Variants in ITPR1 observed in about 807,000 individuals in gnomAD.
ITPR1 encodes inositol 1,4,5-trisphosphate receptor type 1, also known as inositol 1,4,5-trisphosphate-gated calcium channel ITPR1.
Under a neutral mutation model 318.4 loss-of-function variants are expected in ITPR1, and 96 were observed. The ratio of observed to expected loss-of-function variants is 0.30; its 90% CI spans 0.26 to 0.36. The LOEUF (loss-of-function observed/expected upper bound fraction) is 0.36. ITPR1 is among the 10% of genes least tolerant of loss of function. The probability of loss-of-function intolerance (pLI) is 1.00; values close to 1 mark genes in which losing one functional copy is unlikely to be tolerated. For synonymous variants in ITPR1, 1,312 were observed against 1,289.9 expected, an observed-to-expected ratio of 1.02 and a Z score of -0.37; for missense variants, 2,440 against 3,460.2, an observed-to-expected ratio of 0.71 and a Z score of 7.40.
intron 61 of ITPR1, among the ~76,000 whole-genome samples, chr3:4,838,423 C>T (rs970651774): frequency 1.3e-5 from 2 of 151,904 alleles, no homozygotes; most frequent in Non-Finnish European, 2.9e-5. Context: ...GGCACTGCCC[C>T]CCCAACCCCC....
intron 57 of ITPR1, among the ~76,000 whole-genome samples, chr3:4,813,822 C>T (rs978029532): frequency 1.7e-4 from 26 of 152,302 alleles, no homozygotes; most frequent in Non-Finnish European, 2.8e-4. Context: ...GGTTAAACTT[C>T]GTCCAGAGGA....
At chr3:4,786,637 A>G (rs958936799) in intron 51 of ITPR1, among the ~76,000 whole-genome samples, 3 of 152,062 alleles carry the variant, frequency 2.0e-5, no homozygotes, top group Admixed American at 6.6e-5. Flanking sequence ...CGAAATCACT[A>G]CCTCCCAGGA....
intron 44 of ITPR1, among the ~76,000 whole-genome samples, chr3:4,742,200 G>A (rs1326934627): frequency 6.6e-6 from 1 of 152,194 alleles, no homozygotes; most frequent in African/African-American, 2.4e-5. Flanking sequence ...TATTTGTGCT[G>A]GAATTCCAGC....
chr3:4,768,911 C>CTTTTTT (rs201819900), intron 46 of ITPR1, 147 bp downstream of exon 46: 4 of 675,658 alleles, frequency 5.9e-6, no homozygotes, highest in Non-Finnish European at 2.3e-6. Context: ...TTTCTTTTTT[C>CTTTTTT]TTTTTTCTTT....
intron 24 of ITPR1, among the ~76,000 whole-genome samples, chr3:4,678,949 T>C (rs75740198): frequency 0.015 from 2,324 of 152,316 alleles, 55 homozygotes; most frequent in African/African-American, 0.053. Flanking sequence ...GCTTATTCTC[T>C]GTTGAGCCTT....
chr3:4,697,752 A>G (rs546517201), intron 34 of ITPR1, among the ~76,000 whole-genome samples: 32 of 152,152 alleles, frequency 2.1e-4, no homozygotes, highest in Middle Eastern at 6.8e-3. Flanking sequence ...ACACCTGGCC[A>G]TTCTTCCTAC....
At chr3:4,815,280 A>T in intron 59 of ITPR1, 62 bp downstream of exon 59, 2 of 1,543,358 alleles carry the variant, frequency 1.3e-6, no homozygotes, top group Non-Finnish European at 1.8e-6. Context: ...AGGCATGTGG[A>T]TACTGCGAGG....
intron 14 of ITPR1, among the ~76,000 whole-genome samples, chr3:4,661,876 A>G (rs1456780838): frequency 6.6e-6 from 1 of 152,202 alleles, no homozygotes; most frequent in African/African-American, 2.4e-5. Flanking sequence ...TTCCTGCCAC[A>G]CTGGCCCCCA....
chr3:4,732,714 A>G (rs952282288), intron 42 of ITPR1, among the ~76,000 whole-genome samples: 5 of 152,340 alleles, frequency 3.3e-5, no homozygotes, highest in Non-Finnish European at 4.4e-5. Context: ...TGGTTGAAAT[A>G]ACATTTTTAT....
intron 6 of ITPR1, among the ~76,000 whole-genome samples, chr3:4,641,169 G>A (rs184004614): frequency 6.6e-5 from 10 of 152,208 alleles, no homozygotes; most frequent in Admixed American, 3.9e-4. Flanking sequence ...ATTCCCTTCC[G>A]CTTTCTCTTA....
rs2125281293 is a variant in ITPR1, at chr3:4,710,945, C to T, written c.4991+472C>T. Among the ~76,000 whole-genome samples, 1 of 152,314 alleles carries T rather than the reference C, an allele frequency of 6.6e-6. No homozygotes were observed. Among genetic ancestry groups the T allele is most frequent in the East Asian group, 1.9e-4 (1 of 5,184 alleles). Reference sequence around the variant, plus strand: ...TTTGCCCCAAGGCCGGACACGGTGGCTCATGCCTGTAATCCCAGCACTTTG... The same window carrying T: ...TTTGCCCCAAGGCCGGACACGGTGGTTCATGCCTGTAATCCCAGCACTTTG... On this transcript the variant is annotated intron_variant, in intron 38 of 61. Coordinates refer to ENST00000649015, the MANE Select transcript of ITPR1 (RefSeq NM_001378452.1). This position sits in a 1 kb window ranked among gnomAD's most constrained non-coding sequence, Gnocchi z 4.2.
Position 4,658,253 on chromosome 3 carries a change from C to T in ITPR1, c.1126C>T (p.Arg376Cys), listed in dbSNP as rs748464709. 2 of 1,612,226 alleles carry T rather than the reference C, an allele frequency of 1.2e-6. No individual in the cohort carries two copies. Among genetic ancestry groups the T allele is most frequent in the Non-Finnish European group, 1.7e-6 (2 of 1,178,730 alleles). The change falls in exon 13 of 62, where the codon CGT (arginine) becomes TGT (cysteine). Residue 376 changes from arginine to cysteine, a missense_variant. Arg to Cys is a radical substitution (Grantham distance 180, BLOSUM62 -3). Around this residue, in one of 23 missense-constraint regions of ITPR1, gnomAD observed 101 missense variants for 119.6 expected, o/e 0.84. Transcript: ENST00000649015. ...SIFELDPTTL[R>C]GGDSLVPRNS... ...TTTCGAGCTAGATCCCACCACTCTG[C>T]GTGGAGGTGACAGCCTTGTCCCAAG...
intron 10 of ITPR1, among the ~76,000 whole-genome samples, chr3:4,650,652 T>C: frequency 7.2e-6 from 1 of 139,150 alleles, no homozygotes; most frequent in African/African-American, 2.5e-5. Flanking sequence ...TGTGCGCGCG[T>C]CTGTCTGTGT....
intron 4 of ITPR1, among the ~76,000 whole-genome samples, chr3:4,589,302 C>T (rs187079575): frequency 1.1e-4 from 17 of 152,206 alleles, no homozygotes; most frequent in Admixed American, 7.8e-4. Context: ...TCTCTTATTT[C>T]GTGAAAAAAC....
At chr3:4,735,403 G>A (rs2043200268) in intron 44 of ITPR1, 49 bp downstream of exon 44, 3 of 1,501,576 alleles carry the variant, frequency 2.0e-6, no homozygotes, top group Non-Finnish European at 2.8e-6. Context: ...TGAGCAGGAG[G>A]AGAGTCTGTT....
At chr3:4,642,008 C>G (rs2093350258) in intron 6 of ITPR1, 85 bp from the exon 7 acceptor site, 5 of 1,109,600 alleles carry the variant, frequency 4.5e-6, no homozygotes, top group Non-Finnish European at 6.2e-6. Flanking sequence ...GGAATGTTTG[C>G]TACATAGTTG....
At chr3:4,842,282 C>T (rs2051406237) in intron 61 of ITPR1, among the ~76,000 whole-genome samples, 1 of 152,202 alleles carries the variant, frequency 6.6e-6, no homozygotes, top group Admixed American at 6.5e-5. Flanking sequence ...AAGCTAGTTT[C>T]TACATTTGTA....
chr3:4,626,081 G>A (rs1186503208), intron 4 of ITPR1, among the ~76,000 whole-genome samples: 1 of 152,048 alleles, frequency 6.6e-6, no homozygotes, highest in Non-Finnish European at 1.5e-5. Context: ...CCAGGCTGTA[G>A]TGTGCTATGA....
intron 2 of ITPR1, among the ~76,000 whole-genome samples, chr3:4,502,473 G>A (rs1333358931): frequency 1.3e-5 from 2 of 148,706 alleles, no homozygotes; most frequent in Non-Finnish European, 1.5e-5. Flanking sequence ...AAGGAATCTC[G>A]CTCTGTCACC....
Sources: allele counts gnomAD v4.1 joint callset (sites outside exome capture counted in the v4.1 genomes callset), GRCh38; gene constraint gnomAD v4.1.1; regional missense constraint gnomAD v4.1.1; non-coding constraint Gnocchi (gnomAD v3.1); transcripts MANE v1.5; gene names NCBI Gene and HGNC (gene_info 2026-07-23, HGNC 2026-07-21).